WWC2: variants seen among roughly 807,000 people sequenced by gnomAD.
WWC2 encodes the protein protein WWC2.
In WWC2, 101 loss-of-function variants were observed where a neutral mutation model predicts 138.5. That is an observed-to-expected ratio of 0.73 (90% CI 0.62 to 0.86). WWC2 has a LOEUF of 0.86. Ranked by LOEUF, WWC2 falls within the 40% of genes least tolerant of loss-of-function variation. WWC2 has a pLI of 0.00. For synonymous variants in WWC2, 558 were observed against 538.4 expected (o/e 1.04, Z -0.50); for missense variants, 1,420 against 1,419.4 (o/e 1.00, Z -0.01).
intron 1 of WWC2, among the ~76,000 whole-genome samples, chr4:183,174,226 A>G (rs921717590): frequency 6.6e-6 from 1 of 152,190 alleles, no homozygotes; most frequent in African/African-American, 2.4e-5. Flanking sequence ...AAGTCTTTCT[A>G]GAGAATAAAC....
At chr4:183,188,935 C>T (rs768482246) in intron 1 of WWC2, among the ~76,000 whole-genome samples, 15 of 152,006 alleles carry the variant, frequency 9.9e-5, no homozygotes, top group East Asian at 1.9e-4. Flanking sequence ...CATGAACCAC[C>T]GTGCCTGCCC....
chr4:183,269,057 T>C lies in WWC2; in HGVS notation c.2294T>C (p.Leu765Ser), dbSNP rs148958432. The C allele has an allele frequency of 2.6e-4, 419 of 1,614,012 alleles. 1 individual carries two copies. The highest frequency in any genetic ancestry group is 4.2e-4 in the Admixed American group (25 of 60,016). ...GTTCATCCGCCCACAGAATCCATTTTATTCAATGATGTGTTCAGAGTCGCC... is the reference window on the plus strand; with the variant it reads ...GTTCATCCGCCCACAGAATCCATTTCATTCAATGATGTGTTCAGAGTCGCC... ...TKVHPPTESI[L>S]FNDVFRVAIS... is the part of the protein sequence containing the mutation. The change falls in exon 15 of 23, where the codon TTA becomes TCA. Residue 765 changes from leucine (L) to serine (S), a missense_variant. By Grantham distance (145) the Leu-to-Ser change is moderately radical (BLOSUM62 -2). Coordinates refer to ENST00000403733, the MANE Select transcript of WWC2 (RefSeq NM_024949.6).
chr4:183,233,349 G>A (rs1302640309), intron 4 of WWC2, among the ~76,000 whole-genome samples: 1 of 151,284 alleles, frequency 6.6e-6, no homozygotes, highest in Non-Finnish European at 1.5e-5. Context: ...TAGAGACAGG[G>A]TTTCACCATG....
intron 4 of WWC2, among the ~76,000 whole-genome samples, chr4:183,227,177 C>T (rs1736098451): frequency 6.6e-6 from 1 of 152,086 alleles, no homozygotes; most frequent in East Asian, 1.9e-4. Context: ...AGCAACAATG[C>T]TAGGTAGATA....
At position 183,257,326 on chromosome 4, in the gene WWC2, A is replaced by C. The variant is rs574176363; in HGVS notation, c.1197-2313A>C. Among the ~76,000 whole-genome samples, 12 of 152,282 alleles carry C rather than the reference A, an allele frequency of 7.9e-5. No homozygotes were observed. In the South Asian group the frequency reaches 2.5e-3, roughly 32 times the overall value. Reference sequence around the variant, plus strand: ...AGTGGAAAAGGGACTTCCTGCTTCTATAGATGACATGAAATTTTCCCTAGG... The same window carrying C: ...AGTGGAAAAGGGACTTCCTGCTTCTCTAGATGACATGAAATTTTCCCTAGG... On this transcript the variant is annotated intron_variant, in intron 9 of 22. Transcript: ENST00000403733.
chr4:183,135,046 C>T (rs1733067277), intron 1 of WWC2, among the ~76,000 whole-genome samples: 1 of 152,052 alleles, frequency 6.6e-6, no homozygotes, highest in East Asian at 1.9e-4. Flanking sequence ...ATTCTCCTGC[C>T]TCAGCTCCCG....
intron 2 of WWC2, among the ~76,000 whole-genome samples, chr4:183,204,015 T>G (rs924337220): frequency 7.9e-5 from 12 of 152,132 alleles, no homozygotes; most frequent in Non-Finnish European, 1.6e-4. Flanking sequence ...GCCAAGAATT[T>G]AAGTGAAAGT....
chr4:183,297,038 GACCACAGCCC>G (rs1200019330), intron 21 of WWC2, among the ~76,000 whole-genome samples: 3 of 150,694 alleles, frequency 2.0e-5, no homozygotes, highest in East Asian at 3.9e-4. Flanking sequence ...GCAGTGGTGT[GACCACAGCCC>G]ACTACAGCCT....
At chr4:183,259,847 G>A in intron 10 of WWC2, 119 bp downstream of exon 10, 1 of 756,358 alleles carries the variant, frequency 1.3e-6, no homozygotes, top group Non-Finnish European at 2.2e-6. Context: ...TAGTAGCACA[G>A]TTACTGTTTG....
At chr4:183,108,977 T>C (rs1381931829) in intron 1 of WWC2, among the ~76,000 whole-genome samples, 1 of 152,232 alleles carries the variant, frequency 6.6e-6, no homozygotes, top group Non-Finnish European at 1.5e-5. Flanking sequence ...GTGTGGACTA[T>C]ATATGGCAAC....
intron 4 of WWC2, among the ~76,000 whole-genome samples, chr4:183,229,942 A>G (rs1736192987): frequency 6.6e-6 from 1 of 152,002 alleles, no homozygotes; most frequent in Admixed American, 6.5e-5. Flanking sequence ...CTCCCACCTC[A>G]GCTTCCTGAG....
intron 21 of WWC2, among the ~76,000 whole-genome samples, chr4:183,305,181 A>C (rs1389713690): frequency 1.3e-5 from 2 of 152,226 alleles, no homozygotes; most frequent in Non-Finnish European, 1.5e-5. Flanking sequence ...ACTCTTGAGG[A>C]TATGTCAATA....
At chr4:183,164,430 A>G (rs1357790503) in intron 1 of WWC2, among the ~76,000 whole-genome samples, 1 of 142,382 alleles carries the variant, frequency 7.0e-6, no homozygotes, top group Admixed American at 7.3e-5. Context: ...ATTTTTATAT[A>G]TATTTTTAAT....
rs557882162 is a variant in WWC2 at position 183,147,741 on chromosome 4, TAAAAC to T, written c.132-45854_132-45850del. On this transcript the variant is annotated intron_variant, in intron 1 of 22. Coordinates refer to ENST00000403733, the MANE Select transcript of WWC2 (RefSeq NM_024949.6). ...TGTTATGAGAGATTTTGAGTGATGT[TAAAAC>T]AAAGGATTGTCTGCATTATTTAAGT... Among the ~76,000 whole-genome samples, 19 of 152,360 alleles carry T rather than the reference TAAAAC, an allele frequency of 1.2e-4. 1 individual carries two copies. In the South Asian group the frequency reaches 3.9e-3, roughly 32 times the overall value.
chr4:183,178,609 G>C (rs1410599310), intron 1 of WWC2, among the ~76,000 whole-genome samples: 1 of 150,874 alleles, frequency 6.6e-6, no homozygotes, highest in Non-Finnish European at 1.5e-5. Context: ...GTAAAAATCA[G>C]AGGATGGAAC....
intron 4 of WWC2, among the ~76,000 whole-genome samples, chr4:183,230,014 G>A (rs1736194142): frequency 6.6e-6 from 1 of 152,040 alleles, no homozygotes; most frequent in South Asian, 2.1e-4. Context: ...TTGTAGAGCT[G>A]GGGTTTTGCC....
chr4:183,189,069 CT>C (rs1215763216), intron 1 of WWC2, among the ~76,000 whole-genome samples: 2 of 151,974 alleles, frequency 1.3e-5, no homozygotes, highest in Non-Finnish European at 2.9e-5. Flanking sequence ...TTCTTGTTGC[CT>C]CCATCCACTG....
At chr4:183,250,220 T>C (rs1327650462) in intron 8 of WWC2, among the ~76,000 whole-genome samples, 1 of 130,696 alleles carries the variant, frequency 7.7e-6, no homozygotes, top group African/African-American at 2.9e-5. Flanking sequence ...TAGTGAGAAG[T>C]ATACAAATGA....
In WWC2 at chr4:183,190,168, GTTGTTGTTGC is replaced by G. The variant is rs372195542; in HGVS notation, c.132-3419_132-3410del. On this transcript the variant is annotated intron_variant, in intron 1 of 22. Coordinates refer to ENST00000403733, the MANE Select transcript of WWC2 (RefSeq NM_024949.6). ...TTAATTTCAGGATTTTGTTGTTATT[GTTGTTGTTGC>G]TTGTTGTTGCTCCTTTGCAGGGAAC... Among the ~76,000 whole-genome samples the G allele has an allele frequency of 2.0e-3, 306 of 152,256 alleles. 2 individuals carry two copies. The highest frequency in any genetic ancestry group is 7.0e-3 in the African/African-American group (293 of 41,566).
Sources: allele counts gnomAD v4.1 joint callset (sites outside exome capture counted in the v4.1 genomes callset), GRCh38; gene constraint gnomAD v4.1.1; transcripts MANE v1.5; gene names NCBI Gene and HGNC (gene_info 2026-07-23, HGNC 2026-07-21).